The following PFKL variants were observed in gnomAD, a reference collection of about 807,000 sequenced individuals.
PFKL encodes the protein phosphofructokinase, liver type, also known as ATP-dependent 6-phosphofructokinase, liver type.
Under a neutral mutation model 92.1 loss-of-function variants are expected in PFKL, and 74 were observed. That is an observed-to-expected ratio of 0.80 (90% confidence interval 0.67 to 0.97). The LOEUF (loss-of-function observed/expected upper bound fraction) is 0.97, where lower values mean the gene tolerates loss of function less well. Ranked by LOEUF, PFKL falls within the 50% of genes least tolerant of loss-of-function variation. PFKL has a pLI of 0.00. For missense variants in PFKL, 1,028 were observed against 1,116.6 expected (o/e 0.92, Z 1.13); for synonymous variants, 494 against 456.4 (o/e 1.08, Z -1.05).
intron 2 of PFKL, 123 bp downstream of exon 2, chr21:44,306,877 T>A: frequency 1.2e-6 from 1 of 832,110 alleles, no homozygotes; most frequent in Non-Finnish European, 2.0e-6. Context: ...AGCTGATGGG[T>A]ATGTGGTCTT....
At chr21:44,322,933 T>C (rs2146016142) in intron 14 of PFKL, 29 bp from the exon 15 acceptor site, 1 of 1,546,674 alleles carries the variant, frequency 6.5e-7, no homozygotes, top group Middle Eastern at 1.9e-4. Context: ...GGGTGCTGCG[T>C]GTTCATGCGG....
At chr21:44,306,118 A>T (rs374274218) in intron 1 of PFKL, among the ~76,000 whole-genome samples, 98 of 67,452 alleles carry the variant, frequency 1.5e-3, no homozygotes, top group African/African-American at 5.9e-3. Context: ...CGCAGCCTGA[A>T]TGTCTGGGGT....
At chr21:44,321,606 C>T (rs1011627345) in intron 12 of PFKL, 123 bp from the exon 13 acceptor site, 153 of 930,412 alleles carry the variant, frequency 1.6e-4, no homozygotes, top group Non-Finnish European at 2.1e-4. Context: ...TGCTGGGCAG[C>T]GTCCAGGCTG....
intron 3 of PFKL, 48 bp downstream of exon 3, chr21:44,311,131 GAC>G (rs768006789): frequency 2.8e-6 from 4 of 1,425,360 alleles, no homozygotes; most frequent in African/African-American, 2.8e-5. Context: ...CTCGCAGACA[GAC>G]ACACAGAGAC....
At chr21:44,319,939 C>T in intron 11 of PFKL, 145 bp from the exon 12 acceptor site, 1 of 692,948 alleles carries the variant, frequency 1.4e-6, no homozygotes, top group South Asian at 1.7e-5. Context: ...CCCTGCCTGG[C>T]ATGCGCGGTG....
Position 44,304,482 on chromosome 21 carries a change from G to A in PFKL, c.86-2199G>A. Reference sequence around the variant, plus strand: ...TGGGCTTGGACCTGTGGTGGGACCAGGTCTGCAGGGAGGGCGAGGGAGGGA... The same window carrying A: ...TGGGCTTGGACCTGTGGTGGGACCAAGTCTGCAGGGAGGGCGAGGGAGGGA... On this transcript the variant is annotated intron_variant, in intron 1 of 21. Transcript: ENST00000349048. The A allele has an allele frequency of 2.6e-6, 3 of 1,168,922 alleles. No individual in the cohort carries two copies. In the South Asian group the frequency reaches 4.9e-5, roughly 19 times the overall value. The allele number at this position is 1,168,922 out of a possible 1,614,324, so 72.4% of individuals were successfully genotyped here. A position where few individuals can be genotyped will look rare whatever the true frequency, so the allele number is the denominator to read the frequency against.
Position 44,326,858 on chromosome 21 carries a change from T to A in PFKL, c.2339T>A (p.Phe780Tyr). 1 of 1,607,592 alleles carries A rather than the reference T, an allele frequency of 6.2e-7. No individual in the cohort carries two copies. The highest frequency in any genetic ancestry group is 1.1e-5 in the South Asian group (1 of 89,862). ...CGCACCCTGAGCATGGACAAGGGCT[T>A]CTGAGGCCAGCCATGCCCACGCCCC... ...TRRTLSMDKG[F>Y] Residue 780 changes from phenylalanine (F) to tyrosine (Y), a missense_variant, in exon 22 of 22, where the codon TTC becomes TAC. Transcript: ENST00000349048.
chr21:44,319,637 C>T (rs2047308386), intron 11 of PFKL: 1 of 590,510 alleles, frequency 1.7e-6, no homozygotes, highest in Non-Finnish European at 3.0e-6. Flanking sequence ...GCCCAGTGCA[C>T]AGGGATCTGG....
chr21:44,316,759 G>T (rs1345842934), intron 9 of PFKL, among the ~76,000 whole-genome samples: 3 of 151,890 alleles, frequency 2.0e-5, no homozygotes, highest in Non-Finnish European at 4.4e-5. Flanking sequence ...GTGTGTGTCA[G>T]TGTGGGTGTG....
rs745419153 is a variant in PFKL, at chr21:44,313,947, G to C, written c.673G>C (p.Ala225Pro). The C allele has an allele frequency of 1.2e-5, 20 of 1,605,538 alleles. No homozygotes were observed. The highest frequency in any genetic ancestry group is 3.4e-6 in the Non-Finnish European group (4 of 1,177,658). Residue 225 changes from alanine (A) to proline (P), a missense_variant, in exon 7 of 22, where the codon GCC (alanine) becomes CCC (proline). Ala to Pro is a conservative substitution (Grantham distance 27, BLOSUM62 -1). Coordinates refer to ENST00000349048, the MANE Select transcript of PFKL (RefSeq NM_002626.6). ...GCTGGTATCTGCACTGGCCTCAGGG[G>C]CCGACTGGCTGTTCATCCCCGAGGC... ...LALVSALASG[A>P]DWLFIPEAPP...
At chr21:44,321,602 G>A in intron 12 of PFKL, 127 bp from the exon 13 acceptor site, 2 of 889,422 alleles carry the variant, frequency 2.2e-6, no homozygotes, top group Admixed American at 6.3e-5. Context: ...GGTGTGCTGG[G>A]CAGCGTCCAG....
At chr21:44,311,204 ACACACAGACATG>A (rs2047032875) in intron 3 of PFKL, 121 bp downstream of exon 3, 5 of 706,116 alleles carry the variant, frequency 7.1e-6, no homozygotes, top group South Asian at 3.5e-5. Context: ...ACACATGCAG[ACACACAGACATG>A]CACACAGACG....
rs768621688 is a variant in PFKL at position 44,322,153 on chromosome 21, C to A, written c.1359C>A (p.His453Gln). The A allele has an allele frequency of 6.2e-7, 1 of 1,605,904 alleles. No individual in the cohort carries two copies. Among genetic ancestry groups the A allele is most frequent in the Non-Finnish European group, 8.5e-7 (1 of 1,178,432 alleles). The change falls in exon 14 of 22, where the codon CAC (histidine) becomes CAA (glutamine). Residue 453 changes from histidine (H) to glutamine (Q), a missense_variant. By Grantham distance (24) the His-to-Gln change is conservative (BLOSUM62 0). Coordinates refer to ENST00000349048, the MANE Select transcript of PFKL (RefSeq NM_002626.6). ...GGCAGGTGCAAGAAGTAGGCTGGCA[C>A]GACGTGGCCGGCTGGTTGGGGCGTG... Reference protein sequence around the residue: ...AKGQVQEVGWHDVAGWLGRGG... With the variant: ...AKGQVQEVGWQDVAGWLGRGG...
At chr21:44,310,522 G>A (rs2838546) in intron 2 of PFKL, among the ~76,000 whole-genome samples, 14,758 of 152,228 alleles carry the variant, frequency 0.097, 796 homozygotes, top group African/African-American at 0.15. Context: ...TCACACGGCC[G>A]CCACACAGCA....
intron 17 of PFKL, 32 bp from the exon 18 acceptor site, chr21:44,324,822 TCC>T (rs760085218): frequency 6.3e-7 from 1 of 1,598,854 alleles, no homozygotes; most frequent in Non-Finnish European, 8.5e-7. Flanking sequence ...CTCCCCACAG[TCC>T]TCCGGCTCAT....
In PFKL at chr21:44,326,092, T is replaced by C. The variant is rs779544760; in HGVS notation, c.2089+32T>C. ...GGTGGGTGCGACCCGAGGCCTCACT[T>C]TGCCCTCCCCTGGCTCCCTGGGGCA... On this transcript the variant is annotated intron_variant, in intron 20 of 21. Coordinates refer to ENST00000349048, the MANE Select transcript of PFKL (RefSeq NM_002626.6). 2.5e-6 allele frequency: 4 copies of C among 1,608,314 alleles called. No homozygotes were observed. The East Asian group carries it at 8.9e-5, about 36-fold the overall frequency.
At position 44,308,664 on chromosome 21, in the gene PFKL, C is replaced by T. The variant is rs12482540; in HGVS notation, c.159+1910C>T. Among the ~76,000 whole-genome samples the T allele has an allele frequency of 4.0e-3, 608 of 151,130 alleles. 5 individuals carry two copies. Among genetic ancestry groups the T allele is most frequent in the Admixed American group, 7.9e-3 (120 of 15,114 alleles). On this transcript the variant is annotated intron_variant, in intron 2 of 21. Transcript: ENST00000349048. The stretch of plus-strand genomic sequence containing the variant: ...GCAACCTCTGCCTCCCAGGTTCAAG[C>T]AATTTTCCTGCCTCAGCCTCCTGAG...
At chr21:44,305,794 C>G (rs374455335) in intron 1 of PFKL, 15 of 1,366,692 alleles carry the variant, frequency 1.1e-5, no homozygotes, top group Non-Finnish European at 1.5e-5. Flanking sequence ...TAATGTCCCT[C>G]TCCAGGAAAC....
At chr21:44,322,101 C>T in intron 13 of PFKL, 32 bp from the exon 14 acceptor site, 1 of 1,589,238 alleles carries the variant, frequency 6.3e-7, no homozygotes, top group Non-Finnish European at 8.6e-7. Flanking sequence ...GAGGCTCAGG[C>T]TGGCCCCTGA....
Sources: allele counts gnomAD v4.1 joint callset (sites outside exome capture counted in the v4.1 genomes callset), GRCh38; gene constraint gnomAD v4.1.1; transcripts MANE v1.5; gene names NCBI Gene and HGNC (gene_info 2026-07-23, HGNC 2026-07-21).